Variants in TES observed in about 807,000 individuals in gnomAD.
TES encodes the protein testin LIM domain protein, also known as testin.
A neutral mutation model predicts 48.2 loss-of-function variants in TES; 41 were observed. The ratio of observed to expected loss-of-function variants is 0.85; its 90% CI spans 0.66 to 1.10. The LOEUF is 1.10. Among genes scored for constraint, TES ranks in the 50% least tolerant of loss-of-function variants. The pLI is 0.00. For missense variants in TES, 463 were observed against 515.1 expected (o/e 0.90, Z 0.98); for synonymous variants, 162 against 174.9 (o/e 0.93, Z 0.58).
chr7:116,252,057 G>A, intron 5 of TES, 82 bp downstream of exon 5: 4 of 1,393,284 alleles, frequency 2.9e-6, no homozygotes, highest in South Asian at 2.4e-5. Flanking sequence ...AACAAGACTT[G>A]ACCAAACAGC....
intron 1 of TES, among the ~76,000 whole-genome samples, chr7:116,227,108 ATTTATTT>A (rs1354997198): frequency 6.9e-6 from 1 of 145,434 alleles, no homozygotes; most frequent in East Asian, 2.0e-4. Flanking sequence ...TTATTTATTT[ATTTATTT>A]ATTTATTTAT....
chr7:116,228,976 G>A (rs540080056), intron 1 of TES, among the ~76,000 whole-genome samples: 9 of 127,732 alleles, frequency 7.0e-5, no homozygotes, highest in South Asian at 5.0e-4. Flanking sequence ...AAAGTTCCCC[G>A]TTAGCTCTCT....
chr7:116,222,540 C>A (rs1034182711), intron 1 of TES, among the ~76,000 whole-genome samples: 17 of 152,274 alleles, frequency 1.1e-4, no homozygotes, highest in African/African-American at 3.6e-4. Context: ...ATCCCCTCAC[C>A]CATGTATTAT....
At chr7:116,236,016 A>T (rs535199381) in intron 2 of TES, among the ~76,000 whole-genome samples, 2 of 151,768 alleles carry the variant, frequency 1.3e-5, no homozygotes, top group East Asian at 3.9e-4. Context: ...GTTTTCCAGA[A>T]TTTTTTTTTA....
intron 6 of TES, among the ~76,000 whole-genome samples, chr7:116,256,505 C>T (rs1301949303): frequency 1.3e-5 from 2 of 152,146 alleles, no homozygotes; most frequent in African/African-American, 2.4e-5. Context: ...TTCAGAGGTC[C>T]GAACTGGTTT....
Position 116,250,445 on chromosome 7 carries a change from A to G in TES, c.651A>G (p.Ala217=), listed in dbSNP as rs1799989230. 6.3e-7 allele frequency: 1 copy of G among 1,596,438 alleles called. No individual in the cohort carries two copies. Among genetic ancestry groups the G allele is most frequent in the East Asian group, 2.3e-5 (1 of 44,434 alleles). The change falls in exon 4 of 7, where the codon GCA becomes GCG. Residue 217 remains alanine, a synonymous_variant. Transcript: ENST00000358204. ...NIPGGDRSTP[A]AVGAMEDKSA... is the part of the protein sequence containing the mutation. ...CTGGAGGGGATAGAAGCACCCCAGC[A>G]GCAGTGGGGGCCATGGAGGACAAAT...
chr7:116,215,240 G>A (rs1349762226), intron 1 of TES, among the ~76,000 whole-genome samples: 1 of 152,116 alleles, frequency 6.6e-6, no homozygotes, highest in East Asian at 1.9e-4. Context: ...ACTAGGCCGA[G>A]TCTTATATTC....
At position 116,255,575 on chromosome 7, in the gene TES, G is replaced by T. The variant is rs1584632263; in HGVS notation, c.1078-1719G>T. ...TTGCTTAATTTTCTTAATTTCATGT[G>T]TAATTGAACATTAGTTATCTCTTTT... On this transcript the variant is annotated intron_variant, in intron 6 of 6. Transcript: ENST00000358204. Among the ~76,000 whole-genome samples the T allele has an allele frequency of 1.3e-4, 20 of 152,258 alleles. No individual in the cohort carries two copies. In the South Asian group the frequency reaches 4.1e-3, roughly 32 times the overall value.
At chr7:116,226,327 A>G (rs1799620339) in intron 1 of TES, among the ~76,000 whole-genome samples, 3 of 152,178 alleles carry the variant, frequency 2.0e-5, no homozygotes, top group African/African-American at 7.2e-5. Flanking sequence ...TTAATAACAC[A>G]ATTTGTGCCA....
intron 6 of TES, among the ~76,000 whole-genome samples, chr7:116,255,981 A>C (rs1486228955): frequency 2.0e-5 from 3 of 152,352 alleles, no homozygotes; most frequent in Admixed American, 2.0e-4. Flanking sequence ...AATATATACA[A>C]AAAGCAGTTG....
chr7:116,249,302 A>C, intron 3 of TES, 30 bp downstream of exon 3: 1 of 1,612,986 alleles, frequency 6.2e-7, no homozygotes, highest in Non-Finnish European at 8.5e-7. Context: ...GAGTTTCTTT[A>C]TTGAAGTTCC....
At chr7:116,246,280 G>A (rs981285429) in intron 2 of TES, among the ~76,000 whole-genome samples, 4 of 152,200 alleles carry the variant, frequency 2.6e-5, no homozygotes, top group Middle Eastern at 3.2e-3. Context: ...CATTTGTGAA[G>A]TAGTGGCAGC....
intron 2 of TES, among the ~76,000 whole-genome samples, chr7:116,244,397 T>A (rs561510330): frequency 6.6e-6 from 1 of 152,356 alleles, no homozygotes; most frequent in South Asian, 2.1e-4. Context: ...AGAAAGGGGC[T>A]ACAGGCCCTA....
At chr7:116,252,721 A>T in intron 6 of TES, 1 of 509,960 alleles carries the variant, frequency 2.0e-6, no homozygotes, top group Non-Finnish European at 3.5e-6. Flanking sequence ...TTAATAATAA[A>T]ATCCTCACTT....
In TES at chr7:116,257,338, G is replaced by C. The variant is rs4710; in HGVS notation, c.1122G>C (p.Arg374=). The C allele has an allele frequency of 0.29, 464,028 of 1,613,346 alleles. 70,644 individuals are homozygous for C. Among genetic ancestry groups the C allele is most frequent in the East Asian group, 0.58 (26,119 of 44,840 alleles). The part of the protein sequence containing the change: ...CHNAIDPEVQ[R]VTYNNFSWHA... ...ATGCCATCGACCCAGAAGTGCAGCGGGTGACCTATAACAATTTCAGCTGGC... is the reference window on the plus strand; with the variant it reads ...ATGCCATCGACCCAGAAGTGCAGCGCGTGACCTATAACAATTTCAGCTGGC... Residue 374 remains arginine (R), a synonymous_variant, in exon 7 of 7, where the codon CGG becomes CGC. Transcript: ENST00000358204.
At chr7:116,222,563 C>G (rs1799569333) in intron 1 of TES, among the ~76,000 whole-genome samples, 1 of 152,152 alleles carries the variant, frequency 6.6e-6, no homozygotes, top group Admixed American at 6.5e-5. Flanking sequence ...TGGGTTACCC[C>G]TGAAGAAATA....
Position 116,229,028 on chromosome 7 carries a change from AT to A in TES, c.28-5505del, listed in dbSNP as rs1224522311. Reference sequence around the variant, plus strand: ...TATATATATATATATATATATATATATATATAATCATTTCCTTAATATTTGG... The same window carrying A: ...TATATATATATATATATATATATATAATATAATCATTTCCTTAATATTTGG... On this transcript the variant is annotated intron_variant, in intron 1 of 6. Coordinates refer to ENST00000358204, the MANE Select transcript of TES (RefSeq NM_015641.4). 1.4e-3 allele frequency among the ~76,000 whole-genome samples: 166 copies of A among 118,590 alleles called. 10 individuals carry two copies. The East Asian group carries it at 0.018, about 13-fold the overall frequency. 77.8% of individuals were successfully genotyped at this position (118,590 alleles called of 152,430 possible). A position where few individuals can be genotyped will look rare whatever the true frequency, so the allele number is the denominator to read the frequency against.
intron 5 of TES, among the ~76,000 whole-genome samples, 170 bp from the exon 6 acceptor site, chr7:116,252,148 C>T (rs925808591): frequency 1.1e-4 from 16 of 152,080 alleles, no homozygotes; most frequent in African/African-American, 3.9e-4. Flanking sequence ...ATTGGGTTGA[C>T]AAATGAAAGA....
chr7:116,218,015 G>A (rs770765053), intron 1 of TES: 16 of 456,354 alleles, frequency 3.5e-5, no homozygotes, highest in Non-Finnish European at 6.6e-5. Flanking sequence ...CAATTTCTCT[G>A]TTCCTTAGTC....
Sources: gnomAD v4.1 joint callset for allele counts (sites outside exome capture counted in the v4.1 genomes callset) on GRCh38, gnomAD v4.1.1 for gene constraint, MANE v1.5 for transcripts, NCBI Gene and HGNC (gene_info 2026-07-23, HGNC 2026-07-21) for gene names.